ABLIM2: variants seen among roughly 807,000 people sequenced by gnomAD.
ABLIM2 encodes the protein actin binding LIM protein family member 2.
A neutral mutation model predicts 97.7 loss-of-function variants in ABLIM2; 53 were observed. That is an observed-to-expected ratio of 0.54 (90% CI 0.44 to 0.68). The LOEUF is 0.68. Among genes scored for constraint, ABLIM2 ranks in the 30% least tolerant of loss-of-function variants. The pLI, the probability that ABLIM2 is intolerant of heterozygous loss-of-function variation, is 0.00. For missense variants in ABLIM2, 835 were observed against 867.2 expected (o/e 0.96, Z 0.47); for synonymous variants, 361 against 345.8 (o/e 1.04, Z -0.49).
rs893737979 is a variant in ABLIM2 at position 8,043,697 on chromosome 4, A to C, written c.900+1467T>G. On this transcript the variant is annotated intron_variant, in intron 9 of 20. Coordinates refer to ENST00000447017, the MANE Select transcript of ABLIM2 (RefSeq NM_001130083.2). The surrounding 1 kb of genome is among the most constrained non-coding windows in gnomAD (Gnocchi z 4.8). The stretch of plus-strand genomic sequence containing the variant: ...TGATCCTGGGTTTCCAGGCTCTGGA[A>C]CTTTGAGACAATTTATTTCTGTTGT... 1.4e-4 allele frequency among the ~76,000 whole-genome samples: 22 copies of C among 152,168 alleles called. No homozygotes were observed. The highest frequency in any genetic ancestry group is 4.8e-4 in the African/African-American group (20 of 41,446).
chr4:8,069,505 C>T lies in ABLIM2; in HGVS notation c.675+8123G>A, dbSNP rs189530204. 3.9e-5 allele frequency among the ~76,000 whole-genome samples: 6 copies of T among 152,298 alleles called. No individual in the cohort carries two copies. Among genetic ancestry groups the T allele is most frequent in the East Asian group, 3.9e-4 (2 of 5,184 alleles). On this transcript the variant is annotated intron_variant, in intron 6 of 20. Transcript: ENST00000447017. The surrounding 1 kb of genome is among the most constrained non-coding windows in gnomAD (Gnocchi z 4.2). ...AAGGGTAGGACCAGGGGCTCTGATG[C>T]GCTGCCGGCATGAGGCAAGGCAGGA...
At position 8,125,155 on chromosome 4, in the gene ABLIM2, C is replaced by T. The variant is rs183422622; in HGVS notation, c.11-18518G>A. On this transcript the variant is annotated intron_variant, in intron 1 of 20. Coordinates refer to ENST00000447017, the MANE Select transcript of ABLIM2 (RefSeq NM_001130083.2). This position sits in a 1 kb window ranked among gnomAD's most constrained non-coding sequence, Gnocchi z 6.2. ...CTTGCTAATTTGCAAATATTTTCTC[C>T]TATTTTGTGAGTTGTGTTTTCACTT... Among the ~76,000 whole-genome samples, 1 of 152,128 alleles carries T rather than the reference C, an allele frequency of 6.6e-6. No homozygotes were observed. The highest frequency in any genetic ancestry group is 1.5e-5 in the Non-Finnish European group (1 of 68,030).
chr4:8,135,268 C>G (rs16841841), intron 1 of ABLIM2, among the ~76,000 whole-genome samples: 16,062 of 152,232 alleles, frequency 0.11, 977 homozygotes, highest in Middle Eastern at 0.22. Flanking sequence ...AAGCAAATAC[C>G]CGCAACAGAC....
chr4:8,151,951 G>A (rs1315473420), intron 1 of ABLIM2, among the ~76,000 whole-genome samples: 1 of 152,092 alleles, frequency 6.6e-6, no homozygotes, highest in Admixed American at 6.5e-5. Flanking sequence ...GCTATCTGAG[G>A]GTGAGTCACA....
rs569581981 is a variant in ABLIM2 at position 8,054,414 on chromosome 4, G to C, written c.764-168C>G. On this transcript the variant is annotated intron_variant, in intron 7 of 20. Transcript: ENST00000447017. The surrounding 1 kb of genome is among the most constrained non-coding windows in gnomAD (Gnocchi z 4.9). ...CTGTGCTGGAGTTAGTGCCGGGCAG[G>C]GGGTACCCAGATCACAGTCCCCGCC... Among the ~76,000 whole-genome samples, 2 of 152,252 alleles carry C rather than the reference G, an allele frequency of 1.3e-5. No homozygotes were observed. The highest frequency in any genetic ancestry group is 4.1e-4 in the South Asian group (2 of 4,834).
chr4:8,010,666 A>C (rs1764318579), intron 14 of ABLIM2: 1 of 882,298 alleles, frequency 1.1e-6, no homozygotes, highest in Non-Finnish European at 1.4e-6. Context: ...AGTGATTTTC[A>C]GCGTGAAAAT....
Position 8,020,299 on chromosome 4 carries a change from A to T in ABLIM2, c.1272T>A (p.Ser424Arg). ...GGCTGGGGGTGCTCCGGCCACTTTC[A>T]CTGCCTCCAGACGGAAGGGCAAAGG... Reference protein sequence around the residue: ...RHHYIPYFRGSESGRSTPSLS... With the variant: ...RHHYIPYFRGRESGRSTPSLS... Residue 424 changes from serine (S) to arginine (R), a missense_variant, in exon 13 of 21, where the codon AGT becomes AGA. By Grantham distance (110) the Ser-to-Arg change is moderately radical. Transcript: ENST00000447017. 1 of 1,613,532 alleles carries T rather than the reference A, an allele frequency of 6.2e-7. No homozygotes were observed. The highest frequency in any genetic ancestry group is 2.2e-5 in the East Asian group (1 of 44,878).
chr4:8,136,238 C>T lies in ABLIM2; in HGVS notation c.10+22442G>A, dbSNP rs200096665. ...GCCACTTATATGAGGTCCCAAGAGT[C>T]GTCAACTTCATAGAGATGGAAAGTA... On this transcript the variant is annotated intron_variant, in intron 1 of 20. Coordinates refer to ENST00000447017, the MANE Select transcript of ABLIM2 (RefSeq NM_001130083.2). Among the ~76,000 whole-genome samples the T allele has an allele frequency of 7.9e-5, 12 of 152,200 alleles. No individual in the cohort carries two copies. The East Asian group carries it at 1.9e-3, about 24-fold the overall frequency.
intron 2 of ABLIM2, among the ~76,000 whole-genome samples, chr4:8,098,768 G>A (rs55710515): frequency 1.3e-5 from 2 of 152,116 alleles, no homozygotes; most frequent in East Asian, 1.9e-4. Flanking sequence ...AGGGGTACAC[G>A]GCAGCACAGA....
At chr4:8,052,249 C>T (rs890679506) in intron 8 of ABLIM2, among the ~76,000 whole-genome samples, 2 of 152,198 alleles carry the variant, frequency 1.3e-5, no homozygotes, top group Non-Finnish European at 2.9e-5. Context: ...GGCTCCCTCA[C>T]TCAGGTCCCT....
In ABLIM2 at chr4:8,023,885, TGCTGGCTCA is replaced by T. The variant is rs990735226; in HGVS notation, c.1268-3591_1268-3583del. 7.2e-5 allele frequency among the ~76,000 whole-genome samples: 11 copies of T among 152,150 alleles called. No homozygotes were observed. The highest frequency in any genetic ancestry group is 2.4e-4 in the African/African-American group (10 of 41,450). On this transcript the variant is annotated intron_variant, in intron 12 of 20. Transcript: ENST00000447017. This position sits in a 1 kb window ranked among gnomAD's most constrained non-coding sequence, Gnocchi z 5.7. Reference sequence around the variant, plus strand: ...TCCCAGTGGCCCAGTGTGTGCCTGGTGCTGGCTCAGCTGGCTCCTGTGGAGCCTCCTCCA... The same window carrying T: ...TCCCAGTGGCCCAGTGTGTGCCTGGTGCTGGCTCCTGTGGAGCCTCCTCCA...
intron 8 of ABLIM2, among the ~76,000 whole-genome samples, chr4:8,049,358 G>A (rs905458677): frequency 1.3e-5 from 2 of 152,226 alleles, no homozygotes; most frequent in African/African-American, 4.8e-5. Flanking sequence ...TGAGCACCCT[G>A]GCCAGATGCC....
intron 9 of ABLIM2, among the ~76,000 whole-genome samples, chr4:8,042,864 G>A (rs1789652334): frequency 7.0e-6 from 1 of 142,222 alleles, no homozygotes; most frequent in African/African-American, 2.7e-5. Flanking sequence ...AAAAAGAACA[G>A]TGTTGGCCAG....
chr4:8,137,375 G>A (rs563961054), intron 1 of ABLIM2, among the ~76,000 whole-genome samples: 89 of 152,372 alleles, frequency 5.8e-4, no homozygotes, highest in African/African-American at 2.0e-3. Context: ...TGCCTCACAG[G>A]GACAAAGACA....
rs1028192785 is a variant in ABLIM2, at chr4:8,122,987, C to G, written c.11-16350G>C. The stretch of plus-strand genomic sequence containing the variant: ...CAGTGTGGGACGTCTTCCCGGAGGT[C>G]GTGCCTGCCTCCCCTGGCGTTCCCA... On this transcript the variant is annotated intron_variant, in intron 1 of 20. Transcript: ENST00000447017. This position sits in a 1 kb window ranked among gnomAD's most constrained non-coding sequence, Gnocchi z 4.1. Among the ~76,000 whole-genome samples, 1 of 152,114 alleles carries G rather than the reference C, an allele frequency of 6.6e-6. No homozygotes were observed. Among genetic ancestry groups the G allele is most frequent in the Non-Finnish European group, 1.5e-5 (1 of 68,016 alleles).
chr4:8,151,670 C>T (rs556491106), intron 1 of ABLIM2, among the ~76,000 whole-genome samples: 3 of 152,164 alleles, frequency 2.0e-5, no homozygotes, highest in Middle Eastern at 3.4e-3. Flanking sequence ...GGTTGTACCC[C>T]GAGGATGGCA....
Position 7,967,118 on chromosome 4 carries a change from G to A in ABLIM2, c.1825-15C>T. 1 of 1,609,454 alleles carries A rather than the reference G, an allele frequency of 6.2e-7. No individual in the cohort carries two copies. The highest frequency in any genetic ancestry group is 8.5e-7 in the Non-Finnish European group (1 of 1,176,900). On this transcript the variant is annotated splice_polypyrimidine_tract_variant and intron_variant, in intron 20 of 20. Transcript: ENST00000447017. ...GACAAGTGTCTCTTCAAACAAAAAG[G>A]CAAAACAGAAGGGACCAGTTAGCCA... is the stretch of plus-strand genomic sequence containing the variant.
At chr4:8,116,162 G>A (rs947359625) in intron 1 of ABLIM2, among the ~76,000 whole-genome samples, 12 of 152,222 alleles carry the variant, frequency 7.9e-5, no homozygotes, top group South Asian at 2.1e-4. Flanking sequence ...CTCCCAACCC[G>A]TGAATGTAAC....
chr4:8,156,184 TC>T (rs1163479328), intron 1 of ABLIM2, among the ~76,000 whole-genome samples: 1 of 149,790 alleles, frequency 6.7e-6, no homozygotes, highest in Non-Finnish European at 1.5e-5. Context: ...GGCACTGGAA[TC>T]CCCCCACCCC....
Sources: gnomAD v4.1 joint callset for allele counts (sites outside exome capture counted in the v4.1 genomes callset) on GRCh38, gnomAD v4.1.1 for gene constraint, Gnocchi (gnomAD v3.1) non-coding constraint, MANE v1.5 for transcripts, NCBI Gene and HGNC (gene_info 2026-07-23, HGNC 2026-07-21) for gene names.